The following OPCML variants were observed in gnomAD, a reference collection of about 807,000 sequenced individuals.
OPCML encodes the protein opioid binding protein/cell adhesion molecule like.
Under a neutral mutation model 37.8 loss-of-function variants are expected in OPCML, and 13 were observed. The ratio of observed to expected loss-of-function variants is 0.34; its 90% CI spans 0.22 to 0.55. OPCML has a LOEUF of 0.55. Among genes scored for constraint, OPCML ranks in the 20% least tolerant of loss-of-function variants. OPCML has a pLI of 0.91. For synonymous variants in OPCML, 176 were observed against 168.8 expected (o/e 1.04, Z -0.33); for missense variants, 341 against 435.6 (o/e 0.78, Z 1.93).
chr11:132,748,821 G>A (rs551867278), intron 2 of OPCML, among the ~76,000 whole-genome samples: 1 of 152,326 alleles, frequency 6.6e-6, no homozygotes, highest in South Asian at 2.1e-4. Context: ...CAGATGGGAG[G>A]TGAGCACAGC....
At chr11:132,770,821 G>C (rs1001661426) in intron 2 of OPCML, among the ~76,000 whole-genome samples, 1 of 152,140 alleles carries the variant, frequency 6.6e-6, no homozygotes, top group Non-Finnish European at 1.5e-5. Flanking sequence ...GAGAAGGGGG[G>C]ACTCAGGGGG....
chr11:133,009,761 C>T (rs1019309436), intron 1 of OPCML, among the ~76,000 whole-genome samples: 4 of 152,162 alleles, frequency 2.6e-5, no homozygotes, highest in Non-Finnish European at 4.4e-5. Context: ...AATCTAATGC[C>T]GCCTCTGATC....
At chr11:132,755,458 G>C (rs1363666105) in intron 2 of OPCML, among the ~76,000 whole-genome samples, 1 of 152,056 alleles carries the variant, frequency 6.6e-6, no homozygotes, top group African/African-American at 2.4e-5. Flanking sequence ...ATTCAAACTT[G>C]GATCCTATCA....
intron 1 of OPCML, among the ~76,000 whole-genome samples, chr11:133,163,814 G>C (rs1950175304): frequency 6.6e-6 from 1 of 152,180 alleles, no homozygotes; most frequent in African/African-American, 2.4e-5. Context: ...CGGTTCAAAT[G>C]AGTAGGCGCC....
intron 1 of OPCML, among the ~76,000 whole-genome samples, chr11:133,101,503 A>G (rs1949084840): frequency 6.6e-6 from 1 of 152,222 alleles, no homozygotes. Flanking sequence ...GGAAATTGCA[A>G]ATTAAAATGA....
chr11:133,350,952 G>A (rs1407377439), intron 1 of OPCML, among the ~76,000 whole-genome samples: 1 of 152,140 alleles, frequency 6.6e-6, no homozygotes, highest in East Asian at 1.9e-4. Context: ...AAGGTGGAAG[G>A]GCTGTGAATG....
rs1339258822 is a variant in OPCML at position 133,208,737 on chromosome 11, G to C, written c.62-265727C>G. Among the ~76,000 whole-genome samples the C allele has an allele frequency of 2.0e-5, 3 of 152,188 alleles. No individual in the cohort carries two copies. The highest frequency in any genetic ancestry group is 7.2e-5 in the African/African-American group (3 of 41,440). ...AGTGAATAAAGGCTGCTGTAAGACT[G>C]AAGCACACGTTATCTAAAGCAATGG... On this transcript the variant is annotated intron_variant, in intron 1 of 7. Transcript: ENST00000524381. The surrounding 1 kb of genome is among the most constrained non-coding windows in gnomAD (Gnocchi z 8.9).
At chr11:132,971,191 G>A (rs954103127) in intron 1 of OPCML, among the ~76,000 whole-genome samples, 2 of 152,086 alleles carry the variant, frequency 1.3e-5, no homozygotes, top group African/African-American at 4.8e-5. Flanking sequence ...GATTGATGAA[G>A]GCCTTAATTC....
In OPCML at chr11:132,416,781, C is replaced by T. The variant is rs2095940126; in HGVS notation, c.*3412G>A. 6.6e-6 allele frequency: 1 copy of T among 152,556 alleles called. No individual in the cohort carries two copies. The highest frequency in any genetic ancestry group is 1.5e-5 in the Non-Finnish European group (1 of 68,020). 9.5% of individuals were successfully genotyped at this position (152,556 alleles called of 1,614,324 possible). A position where few individuals can be genotyped will look rare whatever the true frequency, so the allele number is the denominator to read the frequency against. On this transcript the variant is annotated 3_prime_UTR_variant, in exon 8 of 8. Coordinates refer to ENST00000524381, the MANE Select transcript of OPCML (RefSeq NM_001012393.5). ...TCTGCATAAAGCCTGTACATGTTTT[C>T]ACAACCACTTCTCTACATCTCCCCC... is the stretch of plus-strand genomic sequence containing the variant.
At chr11:132,655,879 T>TA in intron 3 of OPCML, among the ~76,000 whole-genome samples, 1 of 144,656 alleles carries the variant, frequency 6.9e-6, no homozygotes, top group East Asian at 2.0e-4. Flanking sequence ...TTTTTTTTTT[T>TA]AAATCAGAGA....
chr11:133,395,102 A>T (rs907993325), intron 1 of OPCML, among the ~76,000 whole-genome samples: 1 of 152,096 alleles, frequency 6.6e-6, no homozygotes, highest in Non-Finnish European at 1.5e-5. Flanking sequence ...TGTAGTTTTG[A>T]TTTGCATTTC....
intron 1 of OPCML, among the ~76,000 whole-genome samples, chr11:133,488,456 C>T (rs748151548): frequency 9.9e-5 from 15 of 151,972 alleles, no homozygotes; most frequent in Non-Finnish European, 1.8e-4. Flanking sequence ...TTCTATACAC[C>T]AATGATGATC....
chr11:133,353,804 A>C (rs1055473496), intron 1 of OPCML, among the ~76,000 whole-genome samples: 3 of 152,202 alleles, frequency 2.0e-5, no homozygotes, highest in Admixed American at 6.5e-5. Context: ...GATAAAACAA[A>C]ATCAGAGGCT....
At chr11:133,247,333 T>C (rs1481948475) in intron 1 of OPCML, among the ~76,000 whole-genome samples, 2 of 152,162 alleles carry the variant, frequency 1.3e-5, no homozygotes, top group Admixed American at 1.3e-4. Context: ...TGCATTCAAG[T>C]TAACATTAAT....
At chr11:132,461,381 G>A (rs1328268086) in intron 4 of OPCML, among the ~76,000 whole-genome samples, 6 of 152,168 alleles carry the variant, frequency 3.9e-5, no homozygotes, top group African/African-American at 7.2e-5. Flanking sequence ...AAAAGGACTG[G>A]GTTCGAGCAG....
intron 3 of OPCML, among the ~76,000 whole-genome samples, chr11:132,644,600 G>C (rs920558953): frequency 6.6e-6 from 1 of 152,188 alleles, no homozygotes; most frequent in African/African-American, 2.4e-5. Flanking sequence ...TTGGTAGCTT[G>C]TATCTCAGCT....
intron 2 of OPCML, among the ~76,000 whole-genome samples, chr11:132,699,714 G>C (rs1943734627): frequency 6.6e-6 from 1 of 152,138 alleles, no homozygotes; most frequent in African/African-American, 2.4e-5. Context: ...GTTATGATGT[G>C]TGACTCTTTT....
chr11:133,168,938 G>A (rs1342016092), intron 1 of OPCML, among the ~76,000 whole-genome samples: 1 of 152,062 alleles, frequency 6.6e-6, no homozygotes, highest in African/African-American at 2.4e-5. Flanking sequence ...AAACCAGCCT[G>A]ACCAATATGG....
chr11:132,506,911 A>G (rs563573557), intron 4 of OPCML, among the ~76,000 whole-genome samples: 2 of 152,066 alleles, frequency 1.3e-5, no homozygotes, highest in Admixed American at 1.3e-4. Flanking sequence ...TTATAATGAA[A>G]AAAAGGCTTC....
Sources: allele counts gnomAD v4.1 joint callset (sites outside exome capture counted in the v4.1 genomes callset), GRCh38; gene constraint gnomAD v4.1.1; non-coding constraint Gnocchi (gnomAD v3.1); transcripts MANE v1.5; gene names NCBI Gene and HGNC (gene_info 2026-07-23, HGNC 2026-07-21).